Variants in NAV2 observed in about 807,000 individuals in gnomAD.
NAV2 encodes the protein helicase, APC down-regulated 1.
Under a neutral mutation model 223.2 loss-of-function variants are expected in NAV2, and 54 were observed. The observed-to-expected ratio is 0.24, with a 90% CI of 0.19 to 0.30. The LOEUF (loss-of-function observed/expected upper bound fraction) is 0.30, where lower values mean the gene tolerates loss of function less well. Among genes scored for constraint, NAV2 ranks in the 10% least tolerant of loss-of-function variants. The probability of loss-of-function intolerance (pLI) is 1.00; values close to 1 mark genes in which losing one functional copy is unlikely to be tolerated. For missense variants in NAV2, 2,806 were observed against 3,147.5 expected, an observed-to-expected ratio of 0.89 and a Z score of 2.60; for synonymous variants, 1,279 against 1,239.3, an observed-to-expected ratio of 1.03 and a Z score of -0.67.
At chr11:19,369,764 G>A (rs1848410171) in intron 1 of NAV2, among the ~76,000 whole-genome samples, 1 of 152,170 alleles carries the variant, frequency 6.6e-6, no homozygotes, top group Non-Finnish European at 1.5e-5. Context: ...GTCCTCCTGA[G>A]GTTGTTGTGA....
intron 4 of NAV2, among the ~76,000 whole-genome samples, chr11:19,875,577 G>A (rs1307799805): frequency 1.3e-5 from 2 of 152,164 alleles, no homozygotes; most frequent in African/African-American, 2.4e-5. Context: ...GAAATATCCA[G>A]AAAAGGCAAA....
Position 19,741,764 on chromosome 11 carries a change from T to C in NAV2, c.267+27802T>C, listed in dbSNP as rs182990942. ...TTATCCATTTATCCGTTGATAGACA[T>C]TTATGTTGTTTCCATATCTTAGCAA... On this transcript the variant is annotated intron_variant, in intron 1 of 37. Transcript: ENST00000349880. Among the ~76,000 whole-genome samples, 364 of 149,666 alleles carry C rather than the reference T, an allele frequency of 2.4e-3. 3 individuals are homozygous for C. Among genetic ancestry groups the C allele is most frequent in the Middle Eastern group, 6.9e-3 (2 of 288 alleles).
At position 20,097,731 on chromosome 11, in the gene NAV2, C is replaced by T; in HGVS notation, c.6167C>T (p.Ser2056Leu). The change falls in exon 31 of 38, where the codon TCA becomes TTA. Residue 2056 changes from serine to leucine, a missense_variant. Ser to Leu is a moderately radical substitution (Grantham distance 145, BLOSUM62 -2). Transcript: ENST00000349880. ...GYLVGENTTI[S>L]VTVKGLAENS... The stretch of plus-strand genomic sequence containing the variant: ...CTGGTTGGAGAGAACACGACCATCT[C>T]AGTGACTGTGAAAGGTAATTGAGCT... 1 of 1,594,396 alleles carries T rather than the reference C, an allele frequency of 6.3e-7. No homozygotes were observed. The highest frequency in any genetic ancestry group is 8.5e-7 in the Non-Finnish European group (1 of 1,173,432).
At chr11:19,378,354 T>C (rs1045409713) in intron 1 of NAV2, among the ~76,000 whole-genome samples, 3 of 152,092 alleles carry the variant, frequency 2.0e-5, no homozygotes, top group African/African-American at 7.2e-5. Context: ...CCCCCTGCCC[T>C]GAGTTTATTC....
At chr11:20,063,062 T>G (rs1274528754) in intron 20 of NAV2, among the ~76,000 whole-genome samples, 3 of 152,272 alleles carry the variant, frequency 2.0e-5, no homozygotes, top group Admixed American at 1.3e-4. Flanking sequence ...TAATGAGGAT[T>G]AAATGTTATA....
intron 1 of NAV2, among the ~76,000 whole-genome samples, chr11:19,634,668 C>T (rs2047440604): frequency 6.6e-6 from 1 of 152,148 alleles, no homozygotes; most frequent in Non-Finnish European, 1.5e-5. Context: ...CAAATACAGC[C>T]CCTGTCCAGT....
intron 19 of NAV2, among the ~76,000 whole-genome samples, chr11:20,061,467 G>T (rs750809921): frequency 6.6e-6 from 1 of 151,934 alleles, no homozygotes; most frequent in African/African-American, 2.4e-5. Context: ...TACTCAGGAG[G>T]CTGAAGCAGA....
In NAV2 at chr11:20,012,432, T is replaced by A. The variant is rs576509497; in HGVS notation, c.2769-23527T>A. Among the ~76,000 whole-genome samples, 4 of 152,104 alleles carry A rather than the reference T, an allele frequency of 2.6e-5. No individual in the cohort carries two copies. The South Asian group carries it at 8.3e-4, about 32-fold the overall frequency. On this transcript the variant is annotated intron_variant, in intron 11 of 37. Coordinates refer to ENST00000349880, the MANE Select transcript of NAV2 (RefSeq NM_145117.5). ...GGCTCAAGCCTGTAATCCCAGAACT[T>A]TGGGAGGCCGAGGCAGGTGGATCAC...
intron 6 of NAV2, among the ~76,000 whole-genome samples, chr11:19,901,472 G>A (rs1447522153): frequency 6.6e-6 from 1 of 150,454 alleles, no homozygotes; most frequent in Non-Finnish European, 1.5e-5. Context: ...GCTTGAACCT[G>A]GGAAGCAGAG....
At position 19,713,562 on chromosome 11, in the gene NAV2, T is replaced by A; in HGVS notation, c.-134T>A. ...TTCGAGTTCCCCGACCTGGGGATTT[T>A]TTTTTTAGCCGCTGGTGGTGGGCGC... On this transcript the variant is annotated 5_prime_UTR_variant, in exon 1 of 38. Transcript: ENST00000349880. The surrounding 1 kb of genome is among the most constrained non-coding windows in gnomAD (Gnocchi z 7.2). 1 of 1,403,236 alleles carries A rather than the reference T, an allele frequency of 7.1e-7. No individual in the cohort carries two copies. The highest frequency in any genetic ancestry group is 9.3e-7 in the Non-Finnish European group (1 of 1,078,958). The allele number at this position is 1,403,236 out of a possible 1,614,324, so 86.9% of individuals were successfully genotyped here. A position where few individuals can be genotyped will look rare whatever the true frequency, so the allele number is the denominator to read the frequency against.
chr11:19,759,420 C>T (rs764043216), intron 1 of NAV2, among the ~76,000 whole-genome samples: 2 of 152,166 alleles, frequency 1.3e-5, no homozygotes, highest in Non-Finnish European at 2.9e-5. Flanking sequence ...TCTTGTCTAA[C>T]ACACCCTAAC....
chr11:19,694,747 G>A (rs2049279152), intron 1 of NAV2, among the ~76,000 whole-genome samples: 1 of 152,142 alleles, frequency 6.6e-6, no homozygotes, highest in African/African-American at 2.4e-5. Context: ...TAGACTAGGG[G>A]TGCAGGGACC....
chr11:20,082,588 G>A (rs1249955330), intron 25 of NAV2: 10 of 1,613,338 alleles, frequency 6.2e-6, no homozygotes, highest in Non-Finnish European at 8.5e-6. Context: ...GTTTTCTCTG[G>A]CAGGTCAATG....
At chr11:20,027,356 C>T in intron 11 of NAV2, 1 of 985,466 alleles carries the variant, frequency 1.0e-6, no homozygotes, top group Non-Finnish European at 1.2e-6. Flanking sequence ...AAAACGAGTT[C>T]CACCAGTCTG....
intron 2 of NAV2, among the ~76,000 whole-genome samples, chr11:19,839,581 G>A (rs976110913): frequency 3.9e-5 from 6 of 152,194 alleles, no homozygotes; most frequent in African/African-American, 7.2e-5. Flanking sequence ...GTGACCCTGG[G>A]TAAGTCATTT....
chr11:19,808,581 G>A (rs2058696390), intron 1 of NAV2, among the ~76,000 whole-genome samples: 1 of 152,188 alleles, frequency 6.6e-6, no homozygotes, highest in Non-Finnish European at 1.5e-5. Context: ...TCTGGCAAAA[G>A]AGATTTATAG....
chr11:19,545,210 C>T (rs1349696484), intron 1 of NAV2, among the ~76,000 whole-genome samples: 1 of 152,226 alleles, frequency 6.6e-6, no homozygotes, highest in Non-Finnish European at 1.5e-5. Context: ...AGCTGCTACC[C>T]AGACCTAACT....
At position 19,622,118 on chromosome 11, in the gene NAV2, A is replaced by G. The variant is rs144789727; in HGVS notation, c.76-210366A>G. On this transcript the variant is annotated intron_variant, in intron 1 of 37. Coordinates refer to the NAV2 transcript ENST00000360655. ...TAGTTTGATGGCACTGTGGTCTGAG[A>G]GACAGTTTGTTATAATTTCTGTTCT... Among the ~76,000 whole-genome samples, 470 of 152,310 alleles carry G rather than the reference A, an allele frequency of 3.1e-3. 4 individuals carry two copies. Among genetic ancestry groups the G allele is most frequent in the African/African-American group, 0.011 (451 of 41,576 alleles).
At chr11:19,811,278 G>A (rs1376428770) in intron 1 of NAV2, among the ~76,000 whole-genome samples, 2 of 152,126 alleles carry the variant, frequency 1.3e-5, no homozygotes, top group Admixed American at 6.5e-5. Flanking sequence ...CTACTGGACT[G>A]GATGGAGCTG....
Sources: gnomAD v4.1 joint callset for allele counts (sites outside exome capture counted in the v4.1 genomes callset) on GRCh38, gnomAD v4.1.1 for gene constraint, Gnocchi (gnomAD v3.1) non-coding constraint, MANE v1.5 for transcripts, NCBI Gene and HGNC (gene_info 2026-07-23, HGNC 2026-07-21) for gene names.